The following ABCC11 variants were observed in gnomAD, a reference collection of about 807,000 sequenced individuals.
ABCC11 encodes ATP binding cassette subfamily C member 11, also known as ATP-binding cassette sub-family C member 11.
In ABCC11, 135 loss-of-function variants were observed where a neutral mutation model predicts 149.3. That is an observed-to-expected ratio of 0.90 (90% CI 0.79 to 1.04). ABCC11 has a LOEUF of 1.04. ABCC11 is among the 50% of genes least tolerant of loss of function. The pLI, the probability that ABCC11 is intolerant of heterozygous loss-of-function variation, is 0.00. For missense variants in ABCC11, 1,680 were observed against 1,722.1 expected (o/e 0.98, Z 0.43); for synonymous variants, 665 against 671.4 (o/e 0.99, Z 0.15).
chr16:48,197,049 G>C (rs1334321288), intron 17 of ABCC11, among the ~76,000 whole-genome samples: 1 of 152,188 alleles, frequency 6.6e-6, no homozygotes, highest in Non-Finnish European at 1.5e-5. Context: ...TGGTGGCCGG[G>C]CACAGTGGCT....
chr16:48,244,194 A>T (rs1198134358), intron 1 of ABCC11: 3 of 503,160 alleles, frequency 6.0e-6, no homozygotes, highest in Non-Finnish European at 1.0e-5. Context: ...CATAGGTAGG[A>T]CGCTCAAGTC....
chr16:48,242,816 A>G (rs916849983), intron 1 of ABCC11, among the ~76,000 whole-genome samples: 7 of 151,786 alleles, frequency 4.6e-5, no homozygotes, highest in Admixed American at 2.6e-4. Flanking sequence ...AAACACTGCA[A>G]GTTCTCACTC....
At chr16:48,209,711 G>A (rs1229443252) in intron 11 of ABCC11, 1 of 152,318 alleles carries the variant, frequency 6.6e-6, no homozygotes, top group Non-Finnish European at 1.5e-5. Flanking sequence ...AGTGGGGCGA[G>A]AGATACAAAC....
At chr16:48,202,751 T>C (rs1002115183) in intron 14 of ABCC11, among the ~76,000 whole-genome samples, 1 of 152,198 alleles carries the variant, frequency 6.6e-6, no homozygotes, top group Non-Finnish European at 1.5e-5. Context: ...TTCAACAGAC[T>C]GAGATATTAT....
intron 1 of ABCC11, among the ~76,000 whole-genome samples, chr16:48,245,872 A>C (rs1010771090): frequency 6.6e-6 from 1 of 151,554 alleles, no homozygotes; most frequent in African/African-American, 2.4e-5. Context: ...GTATCTTCAA[A>C]CTCACCTGCC....
chr16:48,165,314 G>GT (rs1425452682), downstream of ABCC11, among the ~76,000 whole-genome samples: 1 of 152,172 alleles, frequency 6.6e-6, no homozygotes, highest in Non-Finnish European at 1.5e-5. Flanking sequence ...CAGAGCAAAG[G>GT]TTTTTTAAGA....
chr16:48,178,882 C>T (rs1231579580), intron 23 of ABCC11, among the ~76,000 whole-genome samples, 196 bp from the exon 24 acceptor site: 1 of 152,142 alleles, frequency 6.6e-6, no homozygotes, highest in Non-Finnish European at 1.5e-5. Context: ...CTGCGATGGG[C>T]AATTCTGGGG....
rs143346912 is a variant in ABCC11 at position 48,187,408 on chromosome 16, C to T, written c.2726G>A (p.Ser909Asn). ...GCCTATTGGGATGGTGTCAAAGAAA[C>T]TCATGGGGCAGCGGAAAACCTGCAG... ...LFNKVFRCPM[S>N]FFDTIPIGRL... Residue 909 changes from serine to asparagine, a missense_variant, in exon 21 of 30, where the codon AGT becomes AAT. Coordinates refer to ENST00000356608, the MANE Select transcript of ABCC11 (RefSeq NM_001370497.1). 828 of 1,613,442 alleles carry T rather than the reference C, an allele frequency of 5.1e-4. 12 individuals are homozygous for T. The East Asian group carries it at 0.015, about 29-fold the overall frequency.
intron 1 of ABCC11, among the ~76,000 whole-genome samples, chr16:48,233,649 T>C (rs1188585891): frequency 2.0e-5 from 3 of 152,224 alleles, no homozygotes; most frequent in African/African-American, 7.2e-5. Flanking sequence ...GGTATATTGC[T>C]GTATGATTTA....
chr16:48,232,093 C>T (rs572075612), intron 1 of ABCC11, 154 bp from the exon 2 acceptor site: 4 of 1,399,316 alleles, frequency 2.9e-6, no homozygotes, highest in Admixed American at 2.9e-5. Context: ...CTCTCCTTAG[C>T]CTGTGCTTGA....
chr16:48,213,410 A>T, intron 10 of ABCC11, 33 bp downstream of exon 10: 4 of 1,568,434 alleles, frequency 2.6e-6, no homozygotes, highest in Non-Finnish European at 3.5e-6. Context: ...GCGTCCAAGC[A>T]GGGGGCCTAC....
chr16:48,197,508 T>C (rs572647693), intron 17 of ABCC11, among the ~76,000 whole-genome samples: 25 of 152,330 alleles, frequency 1.6e-4, no homozygotes, highest in African/African-American at 6.0e-4. Flanking sequence ...ACTGTCTTAC[T>C]TGAAAAATGG....
At chr16:48,177,846 G>GGAAC (rs1323807431) in intron 24 of ABCC11, among the ~76,000 whole-genome samples, 1 of 152,194 alleles carries the variant, frequency 6.6e-6, no homozygotes, top group East Asian at 1.9e-4. Flanking sequence ...GGTTTGTAGA[G>GGAAC]GGCTCTGCCA....
intron 6 of ABCC11, among the ~76,000 whole-genome samples, chr16:48,216,698 T>C (rs1333318338): frequency 6.6e-6 from 1 of 152,224 alleles, no homozygotes; most frequent in African/African-American, 2.4e-5. Context: ...CTTGAGTTTG[T>C]AGGATAGCAG....
chr16:48,184,443 CA>C lies in ABCC11; in HGVS notation c.3254del (p.Leu1085ArgfsTer24). ...SFKVMAVNIV[L>X]QLASSFQATA... ...CCACACAGAGTCACCCCCTCACCTG[CA>C]GCACGATGTTGACAGCCATGACTTT... On this transcript the variant is annotated frameshift_variant, in exon 23 of 30. Coordinates refer to ENST00000356608, the MANE Select transcript of ABCC11 (RefSeq NM_001370497.1). LOFTEE classifies it high-confidence loss of function. 1 of 1,613,596 alleles carries C rather than the reference CA, an allele frequency of 6.2e-7. No individual in the cohort carries two copies. The highest frequency in any genetic ancestry group is 8.5e-7 in the Non-Finnish European group (1 of 1,179,690).
chr16:48,174,560 T>C (rs895538812), intron 26 of ABCC11, among the ~76,000 whole-genome samples: 6 of 152,212 alleles, frequency 3.9e-5, no homozygotes, highest in African/African-American at 1.4e-4. Context: ...GAAAGTGTAG[T>C]GAAGAGGCTG....
chr16:48,222,899 G>A, intron 5 of ABCC11, 68 bp from the exon 6 acceptor site: 1 of 1,373,598 alleles, frequency 7.3e-7, no homozygotes, highest in Non-Finnish European at 1.0e-6. Context: ...TTTGTTGCTG[G>A]AAGAAGGGTT....
At position 48,184,564 on chromosome 16, in the gene ABCC11, C is replaced by T. The variant is rs1966639187; in HGVS notation, c.3134G>A (p.Trp1045Ter). ...CATGATCTCCAGCCTCAATGCCATCCATCGTGTGGAAGATAGAAACAACAG... is the reference window on the plus strand; with the variant it reads ...CATGATCTCCAGCCTCAATGCCATCTATCGTGTGGAAGATAGAAACAACAG... Reference protein sequence around the residue: ...YLLLFLSSTRWMALRLEIMTN... With the variant: ...YLLLFLSSTR Residue 1045 changes from tryptophan (W) to a stop codon, truncating the protein, a stop_gained, in exon 23 of 30, where the codon TGG (tryptophan) becomes TAG (stop). Coordinates refer to ENST00000356608, the MANE Select transcript of ABCC11 (RefSeq NM_001370497.1). LOFTEE classifies it high-confidence loss of function. 1.2e-6 allele frequency: 2 copies of T among 1,614,140 alleles called. No homozygotes were observed. Among genetic ancestry groups the T allele is most frequent in the Non-Finnish European group, 1.7e-6 (2 of 1,180,052 alleles).
chr16:48,207,293 A>G (rs1259251260), intron 12 of ABCC11, among the ~76,000 whole-genome samples: 1 of 152,186 alleles, frequency 6.6e-6, no homozygotes, highest in Non-Finnish European at 1.5e-5. Context: ...AGCAGGCGTC[A>G]TGGGTGCTTT....
Sources: allele counts gnomAD v4.1 joint callset (sites outside exome capture counted in the v4.1 genomes callset), GRCh38; gene constraint gnomAD v4.1.1; transcripts MANE v1.5; gene names NCBI Gene and HGNC (gene_info 2026-07-23, HGNC 2026-07-21).